Variants in SMPD3 observed in about 807,000 individuals in gnomAD.
SMPD3 encodes the protein sphingomyelin phosphodiesterase 3.
Under a neutral mutation model 55.7 loss-of-function variants are expected in SMPD3, and 21 were observed. The observed-to-expected ratio is 0.38, with a 90% CI of 0.27 to 0.54. The LOEUF is 0.54. Among genes scored for constraint, SMPD3 ranks in the 20% least tolerant of loss-of-function variants. The probability of loss-of-function intolerance (pLI) is 0.80; values close to 1 mark genes in which losing one functional copy is unlikely to be tolerated. For synonymous variants in SMPD3, 457 were observed against 404.3 expected, an observed-to-expected ratio of 1.13 and a Z score of -1.56; for missense variants, 842 against 899.6, an observed-to-expected ratio of 0.94 and a Z score of 0.82.
rs2089694189 is a variant in SMPD3, at chr16:68,372,355, C to G, written c.-174G>C. 1 of 822,364 alleles carries G rather than the reference C, an allele frequency of 1.2e-6. No homozygotes were observed. The highest frequency in any genetic ancestry group is 1.7e-5 in the African/African-American group (1 of 58,460). 50.9% of individuals were successfully genotyped at this position (822,364 alleles called of 1,614,324 possible). On this transcript the variant is annotated 5_prime_UTR_variant, in exon 3 of 9. Transcript: ENST00000219334. ...TGTTGGCCAGCCGGTCATGGTTCAC[C>G]TCGGTGGGCCATGCGGAGGCCTACT...
At position 68,437,811 on chromosome 16, in the gene SMPD3, C is replaced by T. The variant is rs533078179; in HGVS notation, c.-269+10542G>A. On this transcript the variant is annotated intron_variant, in intron 1 of 8. Coordinates refer to ENST00000219334, the MANE Select transcript of SMPD3 (RefSeq NM_018667.4). Reference sequence around the variant, plus strand: ...AGCGTAGCCATGGAGAGAAATCTGGCGCAGAGTGCAACTGCAGCCATTAGA... The same window carrying T: ...AGCGTAGCCATGGAGAGAAATCTGGTGCAGAGTGCAACTGCAGCCATTAGA... Among the ~76,000 whole-genome samples the T allele has an allele frequency of 4.1e-4, 62 of 152,238 alleles. 3 individuals are homozygous for T. The South Asian group carries it at 0.01, about 25-fold the overall frequency.
At chr16:68,422,045 G>T (rs1234506964) in intron 1 of SMPD3, among the ~76,000 whole-genome samples, 1 of 152,212 alleles carries the variant, frequency 6.6e-6, no homozygotes, top group Admixed American at 6.5e-5. Context: ...AGGAAGCAGA[G>T]GCTGAAGCTT....
Position 68,361,662 on chromosome 16 carries a change from C to T in SMPD3, c.1807G>A (p.Gly603Ser), listed in dbSNP as rs773584897. The T allele has an allele frequency of 1.2e-5, 20 of 1,612,314 alleles. No homozygotes were observed. Among genetic ancestry groups the T allele is most frequent in the African/African-American group, 8.0e-5 (6 of 74,930 alleles). The change falls in exon 8 of 9, where the codon GGC (glycine) becomes AGC (serine). Residue 603 changes from glycine (G) to serine (S), a missense_variant. Gly to Ser is a moderately conservative substitution (Grantham distance 56, BLOSUM62 0). Transcript: ENST00000219334. ...TGCAGCATGTAGTCGATGCGCCGGC[C>T]GTTGCCCTTCAGCAGCTCCTTCCGC... is the stretch of plus-strand genomic sequence containing the variant. ...KGRKELLKGN[G>S]RRIDYMLHAE... is the part of the protein sequence containing the mutation.
chr16:68,435,369 C>T (rs1426135609), intron 1 of SMPD3, among the ~76,000 whole-genome samples: 1 of 152,196 alleles, frequency 6.6e-6, no homozygotes, highest in African/African-American at 2.4e-5. Flanking sequence ...TTTTCAGTGC[C>T]TCCATTTGTC....
chr16:68,365,530 G>T (rs893953170), intron 3 of SMPD3, among the ~76,000 whole-genome samples: 2 of 152,036 alleles, frequency 1.3e-5, no homozygotes, highest in African/African-American at 4.8e-5. Context: ...TCAGGGGGTT[G>T]CCCCTGTGCC....
At chr16:68,435,310 T>C (rs1341016457) in intron 1 of SMPD3, among the ~76,000 whole-genome samples, 1 of 152,162 alleles carries the variant, frequency 6.6e-6, no homozygotes, top group Non-Finnish European at 1.5e-5. Flanking sequence ...ATACAAACTG[T>C]TTTAAAAAAT....
At chr16:68,361,932 G>A (rs570108396) in intron 7 of SMPD3, among the ~76,000 whole-genome samples, 173 bp from the exon 8 acceptor site, 110 of 152,320 alleles carry the variant, frequency 7.2e-4, no homozygotes, top group African/African-American at 2.5e-3. Flanking sequence ...GCTGGGGGTA[G>A]GCCGAGTTGC....
At chr16:68,429,590 G>A (rs953689493) in intron 1 of SMPD3, among the ~76,000 whole-genome samples, 6 of 152,192 alleles carry the variant, frequency 3.9e-5, no homozygotes, top group Admixed American at 3.9e-4. Context: ...CCTTACTCCT[G>A]CAGGGTTGCG....
At chr16:68,417,823 G>A (rs1255934242) in intron 1 of SMPD3, among the ~76,000 whole-genome samples, 1 of 152,194 alleles carries the variant, frequency 6.6e-6, no homozygotes, top group African/African-American at 2.4e-5. Context: ...GTATAAATGA[G>A]TAAACACATA....
intron 1 of SMPD3, among the ~76,000 whole-genome samples, chr16:68,444,372 C>A (rs1449199649): frequency 6.6e-6 from 1 of 152,222 alleles, no homozygotes; most frequent in African/African-American, 2.4e-5. Flanking sequence ...GGGCTGCAGT[C>A]TCATTTCCAG....
At chr16:68,428,768 TGGA>T (rs1233587740) in intron 1 of SMPD3, among the ~76,000 whole-genome samples, 3 of 152,146 alleles carry the variant, frequency 2.0e-5, no homozygotes, top group African/African-American at 7.2e-5. Context: ...AACTAGGGGC[TGGA>T]GGAGGTCACA....
intron 1 of SMPD3, among the ~76,000 whole-genome samples, chr16:68,436,239 C>T (rs1032062328): frequency 6.6e-6 from 1 of 152,206 alleles, no homozygotes; most frequent in African/African-American, 2.4e-5. Flanking sequence ...GAATTCCTTA[C>T]AGCATCTAAA....
chr16:68,425,736 G>A (rs574438406), intron 1 of SMPD3, among the ~76,000 whole-genome samples: 6 of 152,296 alleles, frequency 3.9e-5, no homozygotes, highest in Non-Finnish European at 7.4e-5. Context: ...GGGATACTCA[G>A]CAAGATATCC....
At chr16:68,413,478 G>C (rs555003144) in intron 1 of SMPD3, among the ~76,000 whole-genome samples, 3 of 152,342 alleles carry the variant, frequency 2.0e-5, no homozygotes, top group South Asian at 2.1e-4. Flanking sequence ...CAAGGCCTTT[G>C]ATGATGAGAG....
rs143493254 is a variant in SMPD3 at position 68,378,991 on chromosome 16, A to C, written c.-206-6604T>G. On this transcript the variant is annotated intron_variant, in intron 2 of 8. Transcript: ENST00000219334. ...AGCACAACCCACAGACTTTCCAATT[A>C]ATGATTCAGCAGTTCCCCTTTTCCT... 9.8e-3 allele frequency among the ~76,000 whole-genome samples: 1,495 copies of C among 152,304 alleles called. 25 individuals are homozygous for C. Among genetic ancestry groups the C allele is most frequent in the African/African-American group, 0.033 (1,388 of 41,550 alleles).
intron 1 of SMPD3, among the ~76,000 whole-genome samples, chr16:68,416,265 GC>G (rs1034046494): frequency 2.0e-5 from 3 of 152,206 alleles, no homozygotes; most frequent in African/African-American, 7.2e-5. Context: ...ATAGCTCAGA[GC>G]CCGACCCTTT....
chr16:68,442,438 G>T (rs565672233), intron 1 of SMPD3, among the ~76,000 whole-genome samples: 10 of 152,212 alleles, frequency 6.6e-5, no homozygotes, highest in African/African-American at 2.4e-4. Flanking sequence ...CCCACATTGT[G>T]GTTGTGTTCC....
rs753560749 is a variant in SMPD3 at position 68,363,482 on chromosome 16, A to G, written c.1709+14T>C. On this transcript the variant is annotated intron_variant, in intron 7 of 8. Transcript: ENST00000219334. ...GGGTGTGCCTCGTCCCTGGCCTGGG[A>G]GCGCAGTGCTTACTTCTGCAGGTTG... 59 of 1,613,640 alleles carry G rather than the reference A, an allele frequency of 3.7e-5. No homozygotes were observed. The highest frequency in any genetic ancestry group is 4.8e-5 in the Non-Finnish European group (57 of 1,179,904).
intron 8 of SMPD3, 99 bp from the exon 9 acceptor site, chr16:68,361,406 G>C: frequency 7.1e-7 from 1 of 1,403,342 alleles, no homozygotes; most frequent in Non-Finnish European, 9.8e-7. Context: ...CCCGGGGCTG[G>C]GGTGGGCTGG....
Sources: allele counts gnomAD v4.1 joint callset (sites outside exome capture counted in the v4.1 genomes callset), GRCh38; gene constraint gnomAD v4.1.1; transcripts MANE v1.5; gene names NCBI Gene and HGNC (gene_info 2026-07-23, HGNC 2026-07-21).